Variants in PRKG1 observed in about 807,000 individuals in gnomAD.
PRKG1 encodes cGMP-dependent protein kinase 1.
In PRKG1, 35 loss-of-function variants were observed where a neutral mutation model predicts 88.1. The observed-to-expected ratio is 0.40, with a 90% confidence interval of 0.30 to 0.53. PRKG1 has a LOEUF of 0.53. Ranked by LOEUF, PRKG1 falls within the 20% of genes least tolerant of loss-of-function variation. PRKG1 has a pLI of 0.59. For synonymous variants in PRKG1, 303 were observed against 292.5 expected, an observed-to-expected ratio of 1.04 and a Z score of -0.37; for missense variants, 540 against 839.8, an observed-to-expected ratio of 0.64 and a Z score of 4.41.
chr10:51,023,003 CAAAAT>C (rs1395334946), intron 1 of PRKG1, among the ~76,000 whole-genome samples: 2 of 152,004 alleles, frequency 1.3e-5, no homozygotes, highest in African/African-American at 2.4e-5. Context: ...GTCTCAGAAA[CAAAAT>C]AAAACAAAAC....
chr10:51,339,544 AAAG>A (rs1489024131), intron 2 of PRKG1, among the ~76,000 whole-genome samples: 1 of 151,936 alleles, frequency 6.6e-6, no homozygotes, highest in Non-Finnish European at 1.5e-5. Flanking sequence ...AGAAAACAAA[AAAG>A]AAAGTAAATA....
At chr10:51,648,747 T>C (rs1213795771) in intron 3 of PRKG1, among the ~76,000 whole-genome samples, 1 of 152,192 alleles carries the variant, frequency 6.6e-6, no homozygotes, top group African/African-American at 2.4e-5. Context: ...GAAACATATG[T>C]CACTTTAATG....
chr10:51,081,908 C>T (rs73338483), intron 1 of PRKG1, among the ~76,000 whole-genome samples: 5,345 of 152,244 alleles, frequency 0.035, 123 homozygotes, highest in Middle Eastern at 0.054. Context: ...AGGCACATAG[C>T]ACCACACCTG....
chr10:51,176,751 A>G (rs1343994044), intron 2 of PRKG1, among the ~76,000 whole-genome samples: 2 of 152,126 alleles, frequency 1.3e-5, no homozygotes, highest in East Asian at 3.9e-4. Context: ...TCAGACACTG[A>G]ACCTGCATAT....
chr10:51,580,775 G>T (rs767515401), intron 3 of PRKG1, among the ~76,000 whole-genome samples: 1 of 152,058 alleles, frequency 6.6e-6, no homozygotes, highest in African/African-American at 2.4e-5. Context: ...GAGACAGAAG[G>T]ATTCATGTCT....
At position 51,580,882 on chromosome 10, in the gene PRKG1, T is replaced by G. The variant is rs192777198; in HGVS notation, c.592+113046T>G. Among the ~76,000 whole-genome samples the G allele has an allele frequency of 5.3e-5, 8 of 152,208 alleles. No individual in the cohort carries two copies. The East Asian group carries it at 1.4e-3, about 26-fold the overall frequency. ...ACACCAAGCGGGGTGGTCTCCTACTTCCTTAGTATTTATTGCGGGATCTGG... is the reference window on the plus strand; with the variant it reads ...ACACCAAGCGGGGTGGTCTCCTACTGCCTTAGTATTTATTGCGGGATCTGG... On this transcript the variant is annotated intron_variant, in intron 3 of 17. Transcript: ENST00000373980.
intron 2 of PRKG1, among the ~76,000 whole-genome samples, chr10:51,432,927 C>A (rs1838810886): frequency 6.6e-6 from 1 of 152,078 alleles, no homozygotes. Flanking sequence ...ATAGAATAAC[C>A]ACCACCTCAG....
chr10:51,310,246 C>G (rs1275261710), intron 2 of PRKG1, among the ~76,000 whole-genome samples: 2 of 152,106 alleles, frequency 1.3e-5, no homozygotes, highest in African/African-American at 4.8e-5. Context: ...AATTTAAACC[C>G]CCCAAAAATT....
intron 2 of PRKG1, among the ~76,000 whole-genome samples, chr10:51,453,841 G>A (rs1019857222): frequency 1.3e-5 from 2 of 151,942 alleles, no homozygotes; most frequent in Admixed American, 1.3e-4. Flanking sequence ...TGTATACCTA[G>A]AAAACTCTAA....
chr10:51,565,465 G>C (rs1245882789), intron 3 of PRKG1, among the ~76,000 whole-genome samples: 2 of 152,004 alleles, frequency 1.3e-5, no homozygotes, highest in Non-Finnish European at 2.9e-5. Flanking sequence ...ACATCAAACT[G>C]TACAGTCAGT....
intron 9 of PRKG1, among the ~76,000 whole-genome samples, chr10:52,166,797 A>ATATATATATG (rs1564498359): frequency 4.0e-4 from 9 of 22,664 alleles, no homozygotes; most frequent in Admixed American, 5.8e-4. Flanking sequence ...CTATATATAT[A>ATATATATATG]CATATATATA....
chr10:51,280,291 C>G (rs1589309253), intron 2 of PRKG1, among the ~76,000 whole-genome samples: 1 of 152,180 alleles, frequency 6.6e-6, no homozygotes, highest in East Asian at 1.9e-4. Flanking sequence ...TTCTCTCTGG[C>G]TGCCCTTAAC....
chr10:51,698,936 G>C, intron 3 of PRKG1: 1 of 1,614,242 alleles, frequency 6.2e-7, no homozygotes, highest in Non-Finnish European at 8.5e-7. Context: ...CACAGACTGA[G>C]ATTTGCCTGG....
intron 9 of PRKG1, among the ~76,000 whole-genome samples, chr10:52,166,679 A>G (rs1425862622): frequency 7.2e-6 from 1 of 139,100 alleles, no homozygotes; most frequent in Admixed American, 6.9e-5. Flanking sequence ...AAAAAAATTA[A>G]ATACTTTGTT....
At chr10:51,290,183 C>T (rs999870757) in intron 2 of PRKG1, among the ~76,000 whole-genome samples, 2 of 151,950 alleles carry the variant, frequency 1.3e-5, no homozygotes, top group South Asian at 2.1e-4. Flanking sequence ...AAGGCTAAAG[C>T]GAACTATGAT....
chr10:51,746,190 T>C (rs1378933756), intron 3 of PRKG1, among the ~76,000 whole-genome samples: 1 of 152,112 alleles, frequency 6.6e-6, no homozygotes, highest in Non-Finnish European at 1.5e-5. Flanking sequence ...ATTTAGACTA[T>C]TTAGATTAAT....
intron 3 of PRKG1, among the ~76,000 whole-genome samples, chr10:51,630,113 G>C (rs1349190443): frequency 6.6e-6 from 1 of 152,172 alleles, no homozygotes; most frequent in Non-Finnish European, 1.5e-5. Context: ...TGTGCTGCCA[G>C]TGATGACTGT....
chr10:51,956,581 T>C (rs1327846759), intron 5 of PRKG1, among the ~76,000 whole-genome samples: 1 of 152,124 alleles, frequency 6.6e-6, no homozygotes, highest in African/African-American at 2.4e-5. Context: ...TTCATTATAC[T>C]CTATGGCTTT....
chr10:51,964,743 T>G (rs1427852210), intron 5 of PRKG1, among the ~76,000 whole-genome samples: 1 of 152,084 alleles, frequency 6.6e-6, no homozygotes, highest in African/African-American at 2.4e-5. Flanking sequence ...GACATTAAAT[T>G]TAAAAAAGTA....
Sources: allele counts gnomAD v4.1 joint callset (sites outside exome capture counted in the v4.1 genomes callset), GRCh38; gene constraint gnomAD v4.1.1; transcripts MANE v1.5; gene names NCBI Gene and HGNC (gene_info 2026-07-23, HGNC 2026-07-21).